SPAG16: variants seen among roughly 807,000 people sequenced by gnomAD.
SPAG16 encodes sperm-associated antigen 16 protein.
SPAG16 carries 86 observed loss-of-function variants against 80.4 expected under a neutral mutation model. The observed-to-expected ratio is 1.07, with a 90% CI of 0.90 to 1.28. The LOEUF is 1.28. SPAG16 is among the 50% of genes most tolerant of loss of function. The pLI, the probability that SPAG16 is intolerant of heterozygous loss-of-function variation, is 0.00. For synonymous variants in SPAG16, 294 were observed against 265.9 expected (o/e 1.11, Z -1.03); for missense variants, 870 against 765.3 (o/e 1.14, Z -1.61).
intron 15 of SPAG16, chr2:214,280,960 T>G: frequency 2.2e-6 from 1 of 449,612 alleles, no homozygotes; most frequent in South Asian, 1.9e-5. Context: ...TTAAATTCCT[T>G]GCTTTCAGAA....
intron 6 of SPAG16, among the ~76,000 whole-genome samples, chr2:213,348,099 G>A (rs1038694861): frequency 6.6e-6 from 1 of 152,162 alleles, no homozygotes; most frequent in East Asian, 1.9e-4. Context: ...ATTTAGGATA[G>A]TTAGCTCTTG....
chr2:213,800,073 A>G (rs2071288090), intron 10 of SPAG16, among the ~76,000 whole-genome samples: 1 of 152,148 alleles, frequency 6.6e-6, no homozygotes, highest in Admixed American at 6.5e-5. Flanking sequence ...TGTTGACAGA[A>G]TACTTTGACC....
chr2:214,353,987 T>G (rs1576860883), intron 15 of SPAG16, among the ~76,000 whole-genome samples: 2 of 152,182 alleles, frequency 1.3e-5, no homozygotes, highest in South Asian at 4.1e-4. Context: ...AATAAAGATA[T>G]ACACAAAGGA....
At chr2:213,935,223 A>G (rs2078939235) in intron 12 of SPAG16, among the ~76,000 whole-genome samples, 1 of 146,682 alleles carries the variant, frequency 6.8e-6, no homozygotes, top group Non-Finnish European at 1.5e-5. Context: ...AAAAAAAAAG[A>G]CACTTCTATT....
chr2:213,378,421 A>G (rs2067001991), intron 9 of SPAG16, among the ~76,000 whole-genome samples: 1 of 152,236 alleles, frequency 6.6e-6, no homozygotes, highest in African/African-American at 2.4e-5. Flanking sequence ...GGTCATAATT[A>G]TGCCTAACAT....
chr2:213,870,423 T>C (rs1056356155), intron 11 of SPAG16, among the ~76,000 whole-genome samples: 16 of 152,156 alleles, frequency 1.1e-4, no homozygotes, highest in Non-Finnish European at 2.2e-4. Context: ...TTATGTATTA[T>C]AGATAAATAA....
At chr2:214,371,357 AT>A (rs1226559281) in intron 15 of SPAG16, among the ~76,000 whole-genome samples, 2 of 151,722 alleles carry the variant, frequency 1.3e-5, no homozygotes. Flanking sequence ...ACATGGAGAA[AT>A]CCCATCTCTA....
At chr2:214,277,760 G>A (rs893468824) in intron 15 of SPAG16, among the ~76,000 whole-genome samples, 41 of 152,192 alleles carry the variant, frequency 2.7e-4, no homozygotes, top group Admixed American at 7.2e-4. Context: ...GCTACACAGG[G>A]GTCAGGGACC....
chr2:213,792,576 C>CTTT (rs11372174), intron 10 of SPAG16, among the ~76,000 whole-genome samples: 1,943 of 78,148 alleles, frequency 0.025, 88 homozygotes, highest in African/African-American at 0.067. Context: ...AAATGAGTAT[C>CTTT]TTTTTTTTTT....
chr2:213,459,109 T>C (rs2125604753), intron 9 of SPAG16, among the ~76,000 whole-genome samples: 1 of 152,316 alleles, frequency 6.6e-6, no homozygotes, highest in East Asian at 1.9e-4. Flanking sequence ...TCTATATCTT[T>C]TAGCTTCTTC....
intron 1 of SPAG16, among the ~76,000 whole-genome samples, chr2:213,288,091 G>GT (rs1232744920): frequency 6.6e-6 from 1 of 151,936 alleles, no homozygotes; most frequent in Non-Finnish European, 1.5e-5. Flanking sequence ...GTTTGTTTTT[G>GT]TTTTTGGTAG....
intron 6 of SPAG16, among the ~76,000 whole-genome samples, chr2:213,342,693 T>C (rs1027568403): frequency 6.6e-6 from 1 of 152,010 alleles, no homozygotes; most frequent in African/African-American, 2.4e-5. Flanking sequence ...GGCTATGTCA[T>C]TGTAAATAGT....
chr2:213,440,146 A>G (rs1209182762), intron 9 of SPAG16, among the ~76,000 whole-genome samples: 4 of 152,202 alleles, frequency 2.6e-5, no homozygotes, highest in South Asian at 2.1e-4. Context: ...TTGCCCTACA[A>G]TTTAATTCCA....
At chr2:213,827,032 C>T (rs1051020116) in intron 10 of SPAG16, among the ~76,000 whole-genome samples, 1 of 151,734 alleles carries the variant, frequency 6.6e-6, no homozygotes, top group African/African-American at 2.4e-5. Flanking sequence ...TTTCTGTCGG[C>T]ATGGAATAAC....
At chr2:214,237,021 C>A (rs758274776) in intron 15 of SPAG16, among the ~76,000 whole-genome samples, 16 of 152,108 alleles carry the variant, frequency 1.1e-4, no homozygotes, top group Non-Finnish European at 2.2e-4. Flanking sequence ...GATCCTTAGA[C>A]CTTATCATGA....
chr2:214,200,918 A>T (rs1213319069), intron 15 of SPAG16, among the ~76,000 whole-genome samples: 1 of 152,198 alleles, frequency 6.6e-6, no homozygotes, highest in African/African-American at 2.4e-5. Context: ...AATAATAATT[A>T]CCACACATGG....
At chr2:213,717,664 A>G (rs561980428) in intron 10 of SPAG16, among the ~76,000 whole-genome samples, 8 of 152,294 alleles carry the variant, frequency 5.3e-5, no homozygotes, top group African/African-American at 9.6e-5. Context: ...CATTACTTCA[A>G]TACTGTTCAC....
chr2:213,319,472 G>A (rs1229166139), intron 5 of SPAG16, among the ~76,000 whole-genome samples: 1 of 151,878 alleles, frequency 6.6e-6, no homozygotes, highest in Non-Finnish European at 1.5e-5. Context: ...AGTGTATGAT[G>A]ATTCAGAAGA....
intron 13 of SPAG16, among the ~76,000 whole-genome samples, chr2:214,058,394 C>A (rs1333967501): frequency 6.6e-6 from 1 of 152,040 alleles, no homozygotes; most frequent in African/African-American, 2.4e-5. Context: ...ATGGAGCAAG[C>A]AGAACACATA....
Sources: allele counts gnomAD v4.1 joint callset (sites outside exome capture counted in the v4.1 genomes callset), GRCh38; gene constraint gnomAD v4.1.1; transcripts MANE v1.5; gene names NCBI Gene and HGNC (gene_info 2026-07-23, HGNC 2026-07-21).